The following TTC28 variants were observed in gnomAD, a reference collection of about 807,000 sequenced individuals.
TTC28 encodes tetratricopeptide repeat protein 28.
In TTC28, 61 loss-of-function variants were observed where a neutral mutation model predicts 198.0. The observed-to-expected ratio is 0.31, with a 90% confidence interval of 0.25 to 0.38. The LOEUF (loss-of-function observed/expected upper bound fraction) is 0.38. TTC28 is among the 10% of genes least tolerant of loss of function. The pLI, the probability that TTC28 is intolerant of heterozygous loss-of-function variation, is 1.00. For missense variants in TTC28, 2,678 were observed against 3,164.0 expected (o/e 0.85, Z 3.69); for synonymous variants, 1,171 against 1,297.8 (o/e 0.90, Z 2.10).
At chr22:28,520,931 T>C (rs2048892225) in intron 2 of TTC28, among the ~76,000 whole-genome samples, 1 of 152,064 alleles carries the variant, frequency 6.6e-6, no homozygotes, top group African/African-American at 2.4e-5. Flanking sequence ...CACGTGCCTG[T>C]AGTCCCAGCT....
At chr22:28,385,246 T>TC (rs2046560692) in intron 2 of TTC28, among the ~76,000 whole-genome samples, 1 of 151,144 alleles carries the variant, frequency 6.6e-6, no homozygotes, top group African/African-American at 2.4e-5. Flanking sequence ...CTTTTTTTTT[T>TC]CTTTGAGACA....
chr22:28,280,413 G>A (rs1199618673), intron 5 of TTC28, among the ~76,000 whole-genome samples: 1 of 151,642 alleles, frequency 6.6e-6, no homozygotes, highest in East Asian at 1.9e-4. Context: ...TGTAACCTCC[G>A]CCTCCGCCTC....
At chr22:28,151,108 A>G (rs1943597370) in intron 6 of TTC28, among the ~76,000 whole-genome samples, 1 of 152,214 alleles carries the variant, frequency 6.6e-6, no homozygotes, top group African/African-American at 2.4e-5. Flanking sequence ...GTAAAGAAGA[A>G]AAAACCTCCA....
At position 28,098,575 on chromosome 22, in the gene TTC28, CTT is replaced by C. The variant is rs544253005; in HGVS notation, c.3547+338_3547+339del. 2.5e-3 allele frequency among the ~76,000 whole-genome samples: 375 copies of C among 150,538 alleles called. 1 individual carries two copies. The highest frequency in any genetic ancestry group is 3.8e-3 in the Non-Finnish European group (255 of 67,714). ...TAAACTTTTTTTTTTTTTTAAGAGACTTTATTTCCACAGCATCTGAGTTTATC... is the reference window on the plus strand; with the variant it reads ...TAAACTTTTTTTTTTTTTTAAGAGACTATTTCCACAGCATCTGAGTTTATC... On this transcript the variant is annotated intron_variant, in intron 10 of 22. Coordinates refer to ENST00000397906, the MANE Select transcript of TTC28 (RefSeq NM_001145418.2).
intron 2 of TTC28, among the ~76,000 whole-genome samples, chr22:28,473,268 T>C (rs1367109377): frequency 4.6e-5 from 7 of 152,208 alleles, no homozygotes; most frequent in Non-Finnish European, 1.0e-4. Context: ...TACCTCAGAA[T>C]GTAACTGTAT....
chr22:27,983,188 T>A lies in TTC28; in HGVS notation c.6479A>T (p.Gln2160Leu), dbSNP rs1362743852. Residue 2160 changes from glutamine (Q) to leucine (L), a missense_variant, in exon 23 of 23, where the codon CAA (glutamine) becomes CTA (leucine). Gln to Leu is a moderately radical substitution (Grantham distance 113). Around this residue, in one of 8 missense-constraint regions of TTC28, gnomAD observed 622 missense variants for 656.0 expected, o/e 0.95. Coordinates refer to ENST00000397906, the MANE Select transcript of TTC28 (RefSeq NM_001145418.2). ...CTCCAGAATTTTCTGGGCTAACTCT[T>A]GTGGATCCAGTTTTGGGTTGCTTTC... Reference protein sequence around the residue: ...QEESNPKLDPQELAQKILEET... With the variant: ...QEESNPKLDPLELAQKILEET... 6 of 1,551,716 alleles carry A rather than the reference T, an allele frequency of 3.9e-6. No homozygotes were observed. Among genetic ancestry groups the A allele is most frequent in the Non-Finnish European group, 5.2e-6 (6 of 1,147,026 alleles).
intron 2 of TTC28, among the ~76,000 whole-genome samples, chr22:28,563,465 G>GT (rs888861612): frequency 1.3e-5 from 2 of 152,100 alleles, no homozygotes; most frequent in African/African-American, 4.8e-5. Context: ...TGAGTCAATT[G>GT]TAAGAACTGC....
intron 1 of TTC28, among the ~76,000 whole-genome samples, chr22:28,647,731 C>T (rs1256030223): frequency 4.7e-5 from 7 of 150,396 alleles, no homozygotes; most frequent in South Asian, 4.2e-4. Context: ...CCCAGCTACT[C>T]GGGAGGCTGA....
chr22:28,428,028 T>C (rs79346945), intron 2 of TTC28, among the ~76,000 whole-genome samples: 1 of 152,002 alleles, frequency 6.6e-6, no homozygotes, highest in Admixed American at 6.6e-5. Context: ...GCCTTCCTCA[T>C]TTTAAAAAAT....
chr22:28,339,480 C>A (rs558165423), intron 2 of TTC28, among the ~76,000 whole-genome samples: 31 of 152,316 alleles, frequency 2.0e-4, no homozygotes, highest in Admixed American at 1.2e-3. Flanking sequence ...CTATGCCCTG[C>A]CCCCAGAGGT....
At chr22:28,101,314 G>T in intron 8 of TTC28, 34 bp from the exon 9 acceptor site, 1 of 1,498,054 alleles carries the variant, frequency 6.7e-7, no homozygotes, top group Non-Finnish European at 9.1e-7. Flanking sequence ...AGGAAACATA[G>T]AAGATGGATA....
chr22:28,444,455 C>T (rs2047672705), intron 2 of TTC28, among the ~76,000 whole-genome samples: 1 of 152,094 alleles, frequency 6.6e-6, no homozygotes, highest in South Asian at 2.1e-4. Context: ...AGTTCTTTTC[C>T]AAGCCTGAGA....
At position 28,174,084 on chromosome 22, in the gene TTC28, T is replaced by C. The variant is rs576445049; in HGVS notation, c.934-10485A>G. Among the ~76,000 whole-genome samples, 4 of 152,264 alleles carry C rather than the reference T, an allele frequency of 2.6e-5. No individual in the cohort carries two copies. In the East Asian group the frequency reaches 5.8e-4, roughly 22 times the overall value. On this transcript the variant is annotated intron_variant, in intron 5 of 22. Transcript: ENST00000397906. ...CCATAAACCAAAGTCCTAGATTAAC[T>C]ACCCACAACCCAATAGGAAGAAATA...
At chr22:28,601,492 T>C (rs2050638089) in intron 2 of TTC28, among the ~76,000 whole-genome samples, 1 of 152,200 alleles carries the variant, frequency 6.6e-6, no homozygotes, top group East Asian at 1.9e-4. Context: ...ATAACAACTA[T>C]TTACATGGCA....
intron 2 of TTC28, among the ~76,000 whole-genome samples, chr22:28,338,200 C>T (rs890484554): frequency 4.1e-4 from 63 of 152,268 alleles, no homozygotes; most frequent in Admixed American, 6.5e-4. Context: ...GAGTTTCTGT[C>T]GAGAGATCAG....
intron 5 of TTC28, among the ~76,000 whole-genome samples, chr22:28,267,728 AG>A (rs1169085382): frequency 6.6e-6 from 1 of 152,212 alleles, no homozygotes; most frequent in Non-Finnish European, 1.5e-5. Context: ...TTAAACCTGC[AG>A]TACCTAATCA....
intron 2 of TTC28, among the ~76,000 whole-genome samples, chr22:28,342,162 A>C (rs1411377644): frequency 6.6e-6 from 1 of 152,204 alleles, no homozygotes; most frequent in Non-Finnish European, 1.5e-5. Flanking sequence ...CTGGGTTAGG[A>C]AACTATGTTC....
chr22:28,141,245 T>C (rs954044777), intron 6 of TTC28, among the ~76,000 whole-genome samples: 2 of 152,218 alleles, frequency 1.3e-5, no homozygotes, highest in Non-Finnish European at 2.9e-5. Flanking sequence ...TTCCCTGCCA[T>C]CAACTTGCTG....
At chr22:28,347,974 TCAACCAATCAAAAC>T (rs1569274678) in intron 2 of TTC28, among the ~76,000 whole-genome samples, 1 of 152,232 alleles carries the variant, frequency 6.6e-6, no homozygotes, top group Non-Finnish European at 1.5e-5. Flanking sequence ...CAGACTGGTA[TCAACCAATCAAAAC>T]CAAAAGCAGA....
Sources: allele counts gnomAD v4.1 joint callset (sites outside exome capture counted in the v4.1 genomes callset), GRCh38; gene constraint gnomAD v4.1.1; regional missense constraint gnomAD v4.1.1; transcripts MANE v1.5; gene names NCBI Gene and HGNC (gene_info 2026-07-23, HGNC 2026-07-21).